Variants in SHANK2 observed in about 807,000 individuals in gnomAD.
SHANK2 encodes the protein SH3 and multiple ankyrin repeat domains protein 2.
Under a neutral mutation model 133.7 loss-of-function variants are expected in SHANK2, and 43 were observed. The observed-to-expected ratio is 0.32, with a 90% confidence interval of 0.25 to 0.41. SHANK2 has a LOEUF of 0.41. Among genes scored for constraint, SHANK2 ranks in the 10% least tolerant of loss-of-function variants. The pLI is 1.00. For synonymous variants in SHANK2, 1,017 were observed against 952.8 expected (o/e 1.07, Z -1.24); for missense variants, 1,994 against 2,235.8 (o/e 0.89, Z 2.18).
At chr11:70,699,993 G>A (rs879975578) in intron 14 of SHANK2, among the ~76,000 whole-genome samples, 2 of 152,204 alleles carry the variant, frequency 1.3e-5, no homozygotes, top group Non-Finnish European at 2.9e-5. Context: ...CCAGCTCAAC[G>A]CTCAGGCCTC....
intron 6 of SHANK2, among the ~76,000 whole-genome samples, chr11:71,103,122 C>G (rs1344434486): frequency 6.6e-6 from 1 of 152,218 alleles, no homozygotes; most frequent in Non-Finnish European, 1.5e-5. Flanking sequence ...CTCCTAATAC[C>G]ATCACCTAGG....
intron 17 of SHANK2, among the ~76,000 whole-genome samples, chr11:70,626,683 A>C (rs187090758): frequency 6.6e-6 from 1 of 152,336 alleles, no homozygotes; most frequent in East Asian, 1.9e-4. Context: ...CCAGCCCTGG[A>C]CCAGAGGCTA....
intron 17 of SHANK2, among the ~76,000 whole-genome samples, chr11:70,605,080 C>G (rs1260866012): frequency 6.6e-6 from 1 of 152,218 alleles, no homozygotes; most frequent in Non-Finnish European, 1.5e-5. Context: ...AGCAGCCCTC[C>G]GAGGATGGGA....
At position 71,195,309 on chromosome 11, in the gene SHANK2, G is replaced by A. The variant is rs373939529; in HGVS notation, c.-13+29388C>T. Among the ~76,000 whole-genome samples the A allele has an allele frequency of 6.6e-5, 10 of 152,086 alleles. No homozygotes were observed. The East Asian group carries it at 7.8e-4, about 12-fold the overall frequency. On this transcript the variant is annotated intron_variant, in intron 2 of 25. Transcript: ENST00000601538. ...CGGGAGGCTAAGGCAGGAGAATGGC[G>A]TGAACCCAGGAGGCAGAGCTTGCAG...
intron 11 of SHANK2, among the ~76,000 whole-genome samples, chr11:70,889,420 C>A (rs1360337621): frequency 6.6e-6 from 1 of 152,186 alleles, no homozygotes; most frequent in Non-Finnish European, 1.5e-5. Flanking sequence ...CTTAAAGCCA[C>A]ACAGTTGGTG....
At chr11:70,577,700 T>G (rs1291422729) in intron 17 of SHANK2, among the ~76,000 whole-genome samples, 1 of 142,032 alleles carries the variant, frequency 7.0e-6, no homozygotes, top group Non-Finnish European at 1.6e-5. Context: ...CGTGGCTCCC[T>G]GCCCTGGCTG....
chr11:70,594,517 G>A (rs116704566), intron 17 of SHANK2, among the ~76,000 whole-genome samples: 230 of 152,254 alleles, frequency 1.5e-3, no homozygotes, highest in Middle Eastern at 0.01. Flanking sequence ...AACCCAAGGA[G>A]CTTGAGTATC....
At chr11:71,160,865 C>T (rs1227420656) in intron 2 of SHANK2, among the ~76,000 whole-genome samples, 1 of 152,218 alleles carries the variant, frequency 6.6e-6, no homozygotes, top group Admixed American at 6.5e-5. Flanking sequence ...ACGTTGGCAG[C>T]CTTCATCCCT....
chr11:71,224,056 A>G (rs1954601360), intron 2 of SHANK2, among the ~76,000 whole-genome samples: 1 of 152,202 alleles, frequency 6.6e-6, no homozygotes, highest in Non-Finnish European at 1.5e-5. Flanking sequence ...GCCACTCAAT[A>G]CCCACGTGAC....
chr11:70,500,147 C>T lies in SHANK2; in HGVS notation c.2308+423G>A, dbSNP rs1555158059. On this transcript the variant is annotated intron_variant, in intron 21 of 25. Coordinates refer to ENST00000601538, the MANE Select transcript of SHANK2 (RefSeq NM_012309.5). The surrounding 1 kb of genome is among the most constrained non-coding windows in gnomAD (Gnocchi z 4.5). ...CTTCTCCTTCTAGTGCCCCACAGGG[C>T]ACAGGGCAGCCTCTTGGGGAATGGG... Among the ~76,000 whole-genome samples the T allele has an allele frequency of 6.6e-6, 1 of 151,350 alleles. No homozygotes were observed. Among genetic ancestry groups the T allele is most frequent in the Non-Finnish European group, 1.5e-5 (1 of 68,010 alleles).
intron 11 of SHANK2, among the ~76,000 whole-genome samples, chr11:70,885,036 A>T (rs1167170052): frequency 3.9e-5 from 6 of 152,070 alleles, no homozygotes; most frequent in Admixed American, 1.3e-4. Context: ...TCTTTTCTAA[A>T]TTCCACGTGT....
In SHANK2 at chr11:70,469,059, C is replaced by G. The variant is rs1555147820; in HGVS notation, c.*3810G>C. On this transcript the variant is annotated 3_prime_UTR_variant, in exon 26 of 26. Coordinates refer to ENST00000601538, the MANE Select transcript of SHANK2 (RefSeq NM_012309.5). ...GACACCCTGCTGGGGTGTGGGGAGA[C>G]TGGACCCTAAGGGAAGGGTCCGGAT... 6.6e-6 allele frequency: 1 copy of G among 152,228 alleles called. No individual in the cohort carries two copies. The allele number at this position is 152,228 out of a possible 1,614,324, so 9.4% of individuals were successfully genotyped here.
At chr11:70,791,113 C>A (rs1947777592) in intron 14 of SHANK2, among the ~76,000 whole-genome samples, 1 of 152,254 alleles carries the variant, frequency 6.6e-6, no homozygotes, top group Non-Finnish European at 1.5e-5. Flanking sequence ...CTTGTCGTAG[C>A]AGCTGACATT....
At chr11:70,529,247 G>A (rs567024732) in intron 17 of SHANK2, among the ~76,000 whole-genome samples, 1 of 152,322 alleles carries the variant, frequency 6.6e-6, no homozygotes, top group South Asian at 2.1e-4. Flanking sequence ...ACCCACTGCA[G>A]AATCTCACCC....
chr11:71,095,487 G>A (rs147333180), intron 6 of SHANK2, among the ~76,000 whole-genome samples: 67 of 152,300 alleles, frequency 4.4e-4, no homozygotes, highest in African/African-American at 1.4e-3. Context: ...GGCTCTTAAC[G>A]TTCCAGAAAA....
At chr11:70,926,374 G>A (rs1205797786) in intron 10 of SHANK2, among the ~76,000 whole-genome samples, 4 of 152,170 alleles carry the variant, frequency 2.6e-5, no homozygotes, top group Admixed American at 2.6e-4. Flanking sequence ...GGCTCAGTAA[G>A]CCAAGATGGC....
chr11:71,121,911 G>A (rs562978858), intron 3 of SHANK2, among the ~76,000 whole-genome samples: 2 of 152,252 alleles, frequency 1.3e-5, no homozygotes, highest in African/African-American at 4.8e-5. Flanking sequence ...ATCATCACTG[G>A]TCATCAGAGA....
chr11:70,492,246 G>GC, intron 22 of SHANK2, 89 bp downstream of exon 22: 1 of 1,570,254 alleles, frequency 6.4e-7, no homozygotes, highest in Non-Finnish European at 8.7e-7. Flanking sequence ...AGACATGAAA[G>GC]CGTGTGCACC....
intron 2 of SHANK2, among the ~76,000 whole-genome samples, chr11:71,153,377 A>G (rs11232304): frequency 0.31 from 47,424 of 151,830 alleles, 8,841 homozygotes; most frequent in African/African-American, 0.51. Flanking sequence ...GCCCTCCTAG[A>G]GTAGCTACTA....
Sources: gnomAD v4.1 joint callset for allele counts (sites outside exome capture counted in the v4.1 genomes callset) on GRCh38, gnomAD v4.1.1 for gene constraint, Gnocchi (gnomAD v3.1) non-coding constraint, MANE v1.5 for transcripts, NCBI Gene and HGNC (gene_info 2026-07-23, HGNC 2026-07-21) for gene names.